PRCP: variants seen among roughly 807,000 people sequenced by gnomAD.
The protein encoded by PRCP is prolylcarboxypeptidase.
PRCP carries 46 observed loss-of-function variants against 54.2 expected under a neutral mutation model. The ratio of observed to expected loss-of-function variants is 0.85; its 90% CI spans 0.67 to 1.09. The LOEUF (loss-of-function observed/expected upper bound fraction) is 1.09, where lower values mean the gene tolerates loss of function less well. Ranked by LOEUF, PRCP falls within the 50% of genes least tolerant of loss-of-function variation. The pLI, the probability that PRCP is intolerant of heterozygous loss-of-function variation, is 0.00. For synonymous variants in PRCP, 240 were observed against 212.2 expected (o/e 1.13, Z -1.14); for missense variants, 613 against 596.8 (o/e 1.03, Z -0.28).
At chr11:82,856,051 A>G (rs965380062) in intron 2 of PRCP, among the ~76,000 whole-genome samples, 2 of 152,228 alleles carry the variant, frequency 1.3e-5, no homozygotes, top group Non-Finnish European at 2.9e-5. Flanking sequence ...CATGCCTGTA[A>G]TCCCAGCACT....
intron 1 of PRCP, among the ~76,000 whole-genome samples, chr11:82,894,312 T>G (rs1176776749): frequency 2.0e-5 from 3 of 152,222 alleles, no homozygotes; most frequent in African/African-American, 4.8e-5. Context: ...GGTGATTACT[T>G]TTTAATTTAA....
intron 1 of PRCP, among the ~76,000 whole-genome samples, chr11:82,871,159 A>G (rs1194065086): frequency 1.4e-5 from 2 of 138,688 alleles, no homozygotes; most frequent in Non-Finnish European, 3.2e-5. Flanking sequence ...TTTATAGTCT[A>G]TTGTTCTAAA....
At chr11:82,844,268 G>A (rs1353383622) in intron 6 of PRCP, among the ~76,000 whole-genome samples, 1 of 152,078 alleles carries the variant, frequency 6.6e-6, no homozygotes, top group African/African-American at 2.4e-5. Flanking sequence ...CAGCAAGGAA[G>A]TGGCAGAACT....
At chr11:82,884,971 C>T in intron 1 of PRCP, 2 of 1,546,172 alleles carry the variant, frequency 1.3e-6, no homozygotes, top group Non-Finnish European at 1.7e-6. Flanking sequence ...CAATATATGC[C>T]ATCAGTGCTC....
At chr11:82,872,723 C>T (rs1591063359) in intron 1 of PRCP, among the ~76,000 whole-genome samples, 1 of 152,160 alleles carries the variant, frequency 6.6e-6, no homozygotes. Context: ...GGACTTCTGG[C>T]CTCGGGAAGT....
intron 6 of PRCP, chr11:82,840,456 T>A (rs1395344258): frequency 6.6e-6 from 1 of 152,180 alleles, no homozygotes; most frequent in African/African-American, 2.4e-5. Flanking sequence ...CAATTTACTT[T>A]AAAATTCATT....
At position 82,873,096 on chromosome 11, in the gene PRCP, A is replaced by C. The variant is rs1220879170; in HGVS notation, c.169-12979T>G. ...TTTTTTTTTAAAAAAAAAGAAAGTAAGAAGAATAAGTAGAAGGCTATTGAA... is the reference window on the plus strand; with the variant it reads ...TTTTTTTTTAAAAAAAAAGAAAGTACGAAGAATAAGTAGAAGGCTATTGAA... On this transcript the variant is annotated intron_variant, in intron 1 of 8. Coordinates refer to ENST00000313010, the MANE Select transcript of PRCP (RefSeq NM_005040.4). 3.3e-5 allele frequency among the ~76,000 whole-genome samples: 5 copies of C among 151,260 alleles called. No individual in the cohort carries two copies. In the East Asian group the frequency reaches 9.7e-4, roughly 29 times the overall value.
At chr11:82,861,854 A>C (rs1328447361) in intron 1 of PRCP, among the ~76,000 whole-genome samples, 1 of 152,236 alleles carries the variant, frequency 6.6e-6, no homozygotes, top group East Asian at 1.9e-4. Flanking sequence ...CAAGATATAC[A>C]CAATGATGTA....
intron 6 of PRCP, among the ~76,000 whole-genome samples, chr11:82,842,342 G>T (rs1481082936): frequency 6.6e-6 from 1 of 152,152 alleles, no homozygotes; most frequent in Non-Finnish European, 1.5e-5. Context: ...CAGAGACTTG[G>T]CCTCTGTATG....
chr11:82,900,492 C>G, upstream of PRCP: 1 of 1,479,300 alleles, frequency 6.8e-7, no homozygotes, highest in Non-Finnish European at 9.1e-7. Flanking sequence ...CCTGCAGCTC[C>G]GCCCGCCGCA....
intron 1 of PRCP, among the ~76,000 whole-genome samples, chr11:82,882,716 C>T (rs1207737415): frequency 1.3e-5 from 2 of 151,314 alleles, no homozygotes; most frequent in Non-Finnish European, 2.9e-5. Context: ...GGGATGGTCT[C>T]GATCTCCTGA....
At chr11:82,862,944 C>G (rs1859242483) in intron 1 of PRCP, among the ~76,000 whole-genome samples, 1 of 152,164 alleles carries the variant, frequency 6.6e-6, no homozygotes, top group African/African-American at 2.4e-5. Flanking sequence ...CAACTATATC[C>G]ACTCAGCCTA....
At chr11:82,858,710 C>T (rs1419175162) in intron 2 of PRCP, 1 of 151,964 alleles carries the variant, frequency 6.6e-6, no homozygotes, top group Non-Finnish European at 1.5e-5. Context: ...GAAAGTCACA[C>T]CAAAAGGAGA....
intron 3 of PRCP, among the ~76,000 whole-genome samples, chr11:82,852,868 C>T (rs1021213739): frequency 6.6e-6 from 1 of 152,022 alleles, no homozygotes; most frequent in Non-Finnish European, 1.5e-5. Flanking sequence ...ATTTATAAAG[C>T]GGAATTGTTT....
chr11:82,836,463 C>T (rs1858528081), intron 8 of PRCP: 1 of 153,530 alleles, frequency 6.5e-6, no homozygotes. Flanking sequence ...TTATGGATAT[C>T]TGTAAACTAT....
intron 8 of PRCP, among the ~76,000 whole-genome samples, chr11:82,831,941 TCA>T (rs1372795261): frequency 6.6e-6 from 1 of 152,010 alleles, no homozygotes; most frequent in Non-Finnish European, 1.5e-5. Flanking sequence ...ATTGTTCAAC[TCA>T]CACTTATGAG....
In PRCP at chr11:82,859,995, G is replaced by C; in HGVS notation, c.291C>G (p.Ile97Met). The C allele has an allele frequency of 6.3e-7, 1 of 1,585,152 alleles. No individual in the cohort carries two copies. Among genetic ancestry groups the C allele is most frequent in the Non-Finnish European group, 8.6e-7 (1 of 1,168,258 alleles). The change falls in exon 2 of 9, where the codon ATC becomes ATG. Residue 97 changes from isoleucine to methionine, a missense_variant. Ile to Met is a conservative substitution (Grantham distance 10). Transcript: ENST00000313010. ...CACATACCGTGTTATTACAAAACCA[G>C]ATAATGTCCCCTTCATTACCAGTGT... ...LFYTGNEGDI[I>M]WFCNNTGFMW...
intron 8 of PRCP, among the ~76,000 whole-genome samples, chr11:82,833,056 C>A (rs150485467): frequency 4.6e-5 from 7 of 152,288 alleles, no homozygotes; most frequent in African/African-American, 1.7e-4. Flanking sequence ...TTTAAATTTT[C>A]ACATGCTTCT....
chr11:82,864,422 T>A (rs1387851082), intron 1 of PRCP, among the ~76,000 whole-genome samples: 1 of 152,212 alleles, frequency 6.6e-6, no homozygotes, highest in Non-Finnish European at 1.5e-5. Flanking sequence ...TGCCACTCCC[T>A]GTTCTGGGCT....
Sources: gnomAD v4.1 joint callset for allele counts (sites outside exome capture counted in the v4.1 genomes callset) on GRCh38, gnomAD v4.1.1 for gene constraint, MANE v1.5 for transcripts, NCBI Gene and HGNC (gene_info 2026-07-23, HGNC 2026-07-21) for gene names.